CCDC60: variants seen among roughly 807,000 people sequenced by gnomAD.
CCDC60 encodes coiled-coil domain-containing protein 60.
A neutral mutation model predicts 63.5 loss-of-function variants in CCDC60; 54 were observed. That is an observed-to-expected ratio of 0.85 (90% CI 0.68 to 1.07). CCDC60 has a LOEUF of 1.07. CCDC60 is among the 50% of genes least tolerant of loss of function. CCDC60 has a pLI of 0.00. For synonymous variants in CCDC60, 206 were observed against 238.8 expected, an observed-to-expected ratio of 0.86 and a Z score of 1.27; for missense variants, 651 against 684.3, an observed-to-expected ratio of 0.95 and a Z score of 0.54.
At chr12:119,504,263 G>A (rs964223359) in intron 6 of CCDC60, among the ~76,000 whole-genome samples, 1 of 152,152 alleles carries the variant, frequency 6.6e-6, no homozygotes, top group African/African-American at 2.4e-5. Context: ...TGGATCATGA[G>A]TTATACGAGG....
chr12:119,520,143 A>G lies in CCDC60; in HGVS notation c.991A>G (p.Asn331Asp). The G allele has an allele frequency of 8.7e-6, 14 of 1,613,948 alleles. No individual in the cohort carries two copies. Among genetic ancestry groups the G allele is most frequent in the Non-Finnish European group, 1.2e-5 (14 of 1,179,936 alleles). ...APSILSVLKQ[N>D]KSNSAYKEMQ... ...CAGCATCTTGTCAGTGCTGAAACAA[A>G]ACAAGAGTAATTCTGCTTATAAGGA... The change falls in exon 9 of 14, where the codon AAC becomes GAC. Residue 331 changes from asparagine (N) to aspartate (D), a missense_variant. Asn to Asp is a conservative substitution (Grantham distance 23, BLOSUM62 1). Coordinates refer to ENST00000327554, the MANE Select transcript of CCDC60 (RefSeq NM_178499.5).
intron 1 of CCDC60, among the ~76,000 whole-genome samples, chr12:119,377,263 AAAAAAAAAAAAAAAAAG>A (rs1007245424): frequency 1.3e-5 from 2 of 149,430 alleles, no homozygotes; most frequent in African/African-American, 4.9e-5. Context: ...TCAAAAAAAA[AAAAAAAAAAAAAAAAAG>A]AAAAAGAAAG....
intron 5 of CCDC60, among the ~76,000 whole-genome samples, chr12:119,489,154 A>C (rs932906025): frequency 2.6e-5 from 4 of 152,190 alleles, no homozygotes; most frequent in Admixed American, 2.0e-4. Flanking sequence ...TATTTACACC[A>C]CAGAAATTGG....
chr12:119,465,263 G>A lies in CCDC60; in HGVS notation c.171-6731G>A, dbSNP rs55917023. On this transcript the variant is annotated intron_variant, in intron 2 of 13. Coordinates refer to ENST00000327554, the MANE Select transcript of CCDC60 (RefSeq NM_178499.5). The stretch of plus-strand genomic sequence containing the variant: ...CGGGAGGCGGAGGTTGCAGTGAGCC[G>A]AGATCGCACCACTGCACTCCAGCCT... Among the ~76,000 whole-genome samples the A allele has an allele frequency of 3.1e-3, 477 of 152,126 alleles. 1 individual carries two copies. The highest frequency in any genetic ancestry group is 5.7e-3 in the Non-Finnish European group (388 of 67,990).
chr12:119,408,466 T>C (rs1956533207), intron 1 of CCDC60, among the ~76,000 whole-genome samples: 1 of 152,198 alleles, frequency 6.6e-6, no homozygotes, highest in Non-Finnish European at 1.5e-5. Context: ...TCAGGTGCTT[T>C]CTGGCTGTAG....
At chr12:119,530,268 T>G (rs1421054498) in intron 12 of CCDC60, among the ~76,000 whole-genome samples, 1 of 66,040 alleles carries the variant, frequency 1.5e-5, no homozygotes, top group Non-Finnish European at 3.3e-5. Flanking sequence ...GGTGAGGGAG[T>G]TTTTTTTTTT....
chr12:119,446,429 A>C (rs1479785582), intron 2 of CCDC60, among the ~76,000 whole-genome samples: 3 of 152,250 alleles, frequency 2.0e-5, no homozygotes, highest in African/African-American at 7.2e-5. Context: ...ATATATGCTC[A>C]AGGGTGAATG....
chr12:119,439,150 C>CAAA lies in CCDC60; in HGVS notation c.170+10410_170+10412dup, dbSNP rs11317847. Among the ~76,000 whole-genome samples the CAAA allele has an allele frequency of 0.012, 846 of 72,252 alleles. 29 individuals carry two copies. The East Asian group carries it at 0.12, about 10-fold the overall frequency. 47.4% of individuals were successfully genotyped at this position (72,252 alleles called of 152,430 possible). ...ACAGTATATACATCCCTTTTCTGGG[C>CAAA]AAAAAAAAAAAAAAAAAAAAAAAAG... On this transcript the variant is annotated intron_variant, in intron 2 of 13. Transcript: ENST00000327554.
chr12:119,344,516 T>C (rs951718279), intron 1 of CCDC60, among the ~76,000 whole-genome samples: 1 of 152,158 alleles, frequency 6.6e-6, no homozygotes, highest in Non-Finnish European at 1.5e-5. Flanking sequence ...ACCTGGTCCA[T>C]AGCACCATTA....
At chr12:119,400,120 G>A (rs1291845016) in intron 1 of CCDC60, among the ~76,000 whole-genome samples, 1 of 147,746 alleles carries the variant, frequency 6.8e-6, no homozygotes, top group Non-Finnish European at 1.5e-5. Context: ...CGCGATCTCA[G>A]CTCACTGCAA....
Position 119,488,814 on chromosome 12 carries a change from A to AT in CCDC60, c.507dup (p.Asp170Ter), listed in dbSNP as rs1566037942. The stretch of plus-strand genomic sequence containing the variant: ...CCACTGGCTTCTGGAGGCCCTGACT[A>AT]TTGACCACACCCACCACACCATGAA... On this transcript the variant is annotated frameshift_variant, in exon 5 of 14. Transcript: ENST00000327554. LOFTEE classifies it high-confidence loss of function. 1.2e-6 allele frequency: 2 copies of AT among 1,614,086 alleles called. No homozygotes were observed. Among genetic ancestry groups the AT allele is most frequent in the Non-Finnish European group, 1.7e-6 (2 of 1,180,006 alleles).
chr12:119,378,007 G>C (rs1227676496), intron 1 of CCDC60, among the ~76,000 whole-genome samples: 5 of 152,224 alleles, frequency 3.3e-5, no homozygotes, highest in Non-Finnish European at 5.9e-5. Flanking sequence ...GAGCTCCCAA[G>C]TGGGACTTCC....
intron 1 of CCDC60, among the ~76,000 whole-genome samples, chr12:119,383,418 A>G (rs1045152576): frequency 2.0e-5 from 3 of 152,170 alleles, no homozygotes; most frequent in African/African-American, 7.2e-5. Context: ...CCAAAGGGAA[A>G]CACCTGATAC....
At chr12:119,398,864 T>G (rs1017372023) in intron 1 of CCDC60, among the ~76,000 whole-genome samples, 2 of 152,230 alleles carry the variant, frequency 1.3e-5, no homozygotes, top group Admixed American at 1.3e-4. Flanking sequence ...ACAGACAACA[T>G]TTATTAAGCA....
chr12:119,535,164 T>C (rs56774531), intron 13 of CCDC60, among the ~76,000 whole-genome samples: 15 of 152,308 alleles, frequency 9.8e-5, no homozygotes, highest in African/African-American at 3.1e-4. Context: ...TGTCCAGGAA[T>C]TTATCCATTT....
chr12:119,428,490 T>C (rs949716761), intron 1 of CCDC60, among the ~76,000 whole-genome samples, 193 bp from the exon 2 acceptor site: 3 of 152,086 alleles, frequency 2.0e-5, no homozygotes, highest in Non-Finnish European at 4.4e-5. Context: ...TCCATCTGTC[T>C]CCAAAACCCT....
Position 119,488,740 on chromosome 12 carries a change from CCT to C in CCDC60, c.450-12_450-11del. 6.2e-7 allele frequency: 1 copy of C among 1,608,470 alleles called. No homozygotes were observed. The highest frequency in any genetic ancestry group is 8.5e-7 in the Non-Finnish European group (1 of 1,174,904). On this transcript the variant is annotated splice_polypyrimidine_tract_variant and intron_variant, in intron 4 of 13. Coordinates refer to ENST00000327554, the MANE Select transcript of CCDC60 (RefSeq NM_178499.5). ...GTTCTAACAGGATCCCACTGTGTTC[CCT>C]CTCTCTGTCTTTGCAGCGAGCCCCT...
chr12:119,527,666 C>CTTTTTTTTTTTTTTTTTTTTTTTTTTTT (rs869099213), intron 11 of CCDC60, among the ~76,000 whole-genome samples: 19 of 84,974 alleles, frequency 2.2e-4, no homozygotes, highest in Non-Finnish European at 3.2e-4. Context: ...TTCTTTCTTT[C>CTTTTTTTTTTTTTTTTTTTTTTTTTTTT]TTTTTTTTTT....
At chr12:119,368,366 A>G (rs1955864731) in intron 1 of CCDC60, among the ~76,000 whole-genome samples, 2 of 152,260 alleles carry the variant, frequency 1.3e-5, no homozygotes, top group South Asian at 4.2e-4. Context: ...CTTGTCTAAT[A>G]AATATTAGCT....
Sources: allele counts gnomAD v4.1 joint callset (sites outside exome capture counted in the v4.1 genomes callset), GRCh38; gene constraint gnomAD v4.1.1; transcripts MANE v1.5; gene names NCBI Gene and HGNC (gene_info 2026-07-23, HGNC 2026-07-21).